SIRT1: variants seen among roughly 807,000 people sequenced by gnomAD.
SIRT1 encodes sirtuin 1, also known as NAD-dependent protein deacetylase sirtuin-1.
In SIRT1, 24 loss-of-function variants were observed where a neutral mutation model predicts 67.9. The ratio of observed to expected loss-of-function variants is 0.35; its 90% CI spans 0.26 to 0.50. The LOEUF (loss-of-function observed/expected upper bound fraction) is 0.50, where lower values mean the gene tolerates loss of function less well. Among genes scored for constraint, SIRT1 ranks in the 20% least tolerant of loss-of-function variants. The pLI, the probability that SIRT1 is intolerant of heterozygous loss-of-function variation, is 0.98. For synonymous variants in SIRT1, 378 were observed against 350.7 expected (o/e 1.08, Z -0.87); for missense variants, 873 against 937.2 (o/e 0.93, Z 0.89).
At chr10:67,891,237 G>C (rs1275163445) in intron 3 of SIRT1, among the ~76,000 whole-genome samples, 165 bp from the exon 4 acceptor site, 1 of 152,036 alleles carries the variant, frequency 6.6e-6, no homozygotes, top group African/African-American at 2.4e-5. Flanking sequence ...TTATTTGGGA[G>C]TTTTATTTCT....
rs748064161 is a variant in SIRT1 at position 67,889,141 on chromosome 10, A to G, written c.789+18A>G. Reference sequence around the variant, plus strand: ...GAGCTGGGGTATGTAAGACTAGTACATGGGGAGGTCGTATATGTATTTTCT... The same window carrying G: ...GAGCTGGGGTATGTAAGACTAGTACGTGGGGAGGTCGTATATGTATTTTCT... On this transcript the variant is annotated intron_variant, in intron 3 of 8. Coordinates refer to ENST00000212015, the MANE Select transcript of SIRT1 (RefSeq NM_012238.5). The G allele has an allele frequency of 1.6e-5, 25 of 1,578,958 alleles. No individual in the cohort carries two copies. In the East Asian group the frequency reaches 3.8e-4, roughly 24 times the overall value.
At chr10:67,898,026 T>C (rs1464643815) in intron 4 of SIRT1, among the ~76,000 whole-genome samples, 1 of 147,822 alleles carries the variant, frequency 6.8e-6, no homozygotes, top group Non-Finnish European at 1.5e-5. Flanking sequence ...ATCCCAGCAC[T>C]TTGGGAGGCC....
In SIRT1 at chr10:67,917,798, T is replaced by G. The variant is rs1166828415; in HGVS notation, c.*1205T>G. 1 of 152,654 alleles carries G rather than the reference T, an allele frequency of 6.6e-6. No individual in the cohort carries two copies. Among genetic ancestry groups the G allele is most frequent in the Non-Finnish European group, 1.5e-5 (1 of 68,034 alleles). The allele number at this position is 152,654 out of a possible 1,614,324, so 9.5% of individuals were successfully genotyped here. ...TTATAATTTATCTTTATTTAAAAGC[T>G]TAGCCTGCCTTAAAACTAGAGATCA... is the stretch of plus-strand genomic sequence containing the variant. On this transcript the variant is annotated 3_prime_UTR_variant, in exon 9 of 9. Transcript: ENST00000212015.
intron 4 of SIRT1, chr10:67,906,359 T>A (rs1354551432): frequency 2.6e-5 from 38 of 1,459,430 alleles, no homozygotes; most frequent in South Asian, 6.6e-5. Context: ...CAAAAAAAAA[T>A]TTTAAATATT....
In SIRT1 at chr10:67,909,261, T is replaced by A. The variant is rs199777160; in HGVS notation, c.1176T>A (p.Val392=). 5 of 1,591,266 alleles carry A rather than the reference T, an allele frequency of 3.1e-6. No individual in the cohort carries two copies. Among genetic ancestry groups the A allele is most frequent in the Non-Finnish European group, 4.3e-6 (5 of 1,171,830 alleles). Residue 392 remains valine, a synonymous_variant, in exon 7 of 9, where the codon GTT becomes GTA. Coordinates refer to ENST00000212015, the MANE Select transcript of SIRT1 (RefSeq NM_012238.5). ...CAAAATCTGAAAATATGTAGGTAGT[T>A]CCTCGATGTCCTAGGTGCCCAGCTG... ...AVRGDIFNQV[V]PRCPRCPADE... is the part of the protein sequence containing the mutation.
chr10:67,888,456 A>G (rs1218500384), intron 2 of SIRT1, among the ~76,000 whole-genome samples: 2 of 152,198 alleles, frequency 1.3e-5, no homozygotes, highest in Non-Finnish European at 2.9e-5. Flanking sequence ...CCGGAAAAAA[A>G]TTAAGATGGC....
intron 4 of SIRT1, among the ~76,000 whole-genome samples, chr10:67,898,547 A>G (rs1842694600): frequency 6.6e-6 from 1 of 152,252 alleles, no homozygotes; most frequent in African/African-American, 2.4e-5. Context: ...CAACGTCAGT[A>G]AAAAGAAAAT....
intron 6 of SIRT1, among the ~76,000 whole-genome samples, chr10:67,908,974 G>GTA (rs1842860620): frequency 6.6e-6 from 1 of 151,988 alleles, no homozygotes; most frequent in East Asian, 1.9e-4. Flanking sequence ...CCCATTTAGT[G>GTA]TATATACACA....
chr10:67,900,605 C>T (rs946233931), intron 4 of SIRT1, among the ~76,000 whole-genome samples: 3 of 150,586 alleles, frequency 2.0e-5, no homozygotes, highest in African/African-American at 7.3e-5. Context: ...CCACCATGCC[C>T]TGCTGTTTCT....
Position 67,916,662 on chromosome 10 carries a change from TTTAC to T in SIRT1, c.*72_*75del. 3 of 1,322,324 alleles carry T rather than the reference TTTAC, an allele frequency of 2.3e-6. No individual in the cohort carries two copies. The highest frequency in any genetic ancestry group is 3.1e-6 in the Non-Finnish European group (3 of 962,134). 81.9% of individuals were successfully genotyped at this position (1,322,324 alleles called of 1,614,324 possible). ...GAACTTTAGCATGTCAAAATGAATG[TTTAC>T]TTGTGAACTCGATAGAGCAAGGAAA... On this transcript the variant is annotated 3_prime_UTR_variant, in exon 9 of 9. Transcript: ENST00000212015.
intron 7 of SIRT1, among the ~76,000 whole-genome samples, chr10:67,912,101 T>G (rs369046166): frequency 4.6e-5 from 7 of 152,160 alleles, no homozygotes; most frequent in African/African-American, 1.7e-4. Context: ...AGTAGAACAT[T>G]TATGTACCAA....
intron 4 of SIRT1, among the ~76,000 whole-genome samples, chr10:67,903,463 CA>C (rs1842773529): frequency 6.6e-6 from 1 of 151,448 alleles, no homozygotes; most frequent in Non-Finnish European, 1.5e-5. Context: ...AGGCTCACTA[CA>C]AGCTCCACCT....
At chr10:67,908,209 A>C in intron 6 of SIRT1, 84 bp downstream of exon 6, 1 of 1,119,330 alleles carries the variant, frequency 8.9e-7, no homozygotes, top group Admixed American at 1.9e-5. Flanking sequence ...TTACCCCTTT[A>C]AAGTATATAT....
chr10:67,904,116 T>G (rs1221345867), intron 4 of SIRT1, among the ~76,000 whole-genome samples: 1 of 144,254 alleles, frequency 6.9e-6, no homozygotes, highest in Non-Finnish European at 1.5e-5. Flanking sequence ...ATTTTTTAGT[T>G]TTTTTTGTTT....
At chr10:67,895,760 T>TTTG (rs1459241769) in intron 4 of SIRT1, among the ~76,000 whole-genome samples, 7 of 137,046 alleles carry the variant, frequency 5.1e-5, no homozygotes, top group East Asian at 2.1e-4. Context: ...TTTTTTTTTT[T>TTTG]GAGACAGTTT....
intron 4 of SIRT1, among the ~76,000 whole-genome samples, chr10:67,897,116 A>T (rs73261344): frequency 0.078 from 11,757 of 150,452 alleles, 1,203 homozygotes; most frequent in African/African-American, 0.24. Context: ...AGATCGCACC[A>T]CTCTACTCCA....
chr10:67,906,765 T>C, intron 4 of SIRT1, 25 bp from the exon 5 acceptor site: 1 of 1,602,568 alleles, frequency 6.2e-7, no homozygotes, highest in Non-Finnish European at 8.5e-7. Context: ...TAATGTAAAT[T>C]TTTTCTACCA....
At chr10:67,909,229 C>A in intron 6 of SIRT1, 27 bp from the exon 7 acceptor site, 1 of 1,545,074 alleles carries the variant, frequency 6.5e-7, no homozygotes, top group Non-Finnish European at 8.7e-7. Context: ...TGCTTCTCTA[C>A]CTCAACCAAA....
rs760098571 is a variant in SIRT1 at position 67,888,949 on chromosome 10, A to G, written c.615A>G (p.Leu205=). ...ATCCTCGAACAATTCTTAAAGATTT[A>G]TTGCCGGAAACAATACCTCCACCTG... ...GTDPRTILKD[L]LPETIPPPEL... is the part of the protein sequence containing the mutation. The change falls in exon 3 of 9, where the codon TTA becomes TTG. Residue 205 remains leucine (L), a synonymous_variant. Coordinates refer to ENST00000212015, the MANE Select transcript of SIRT1 (RefSeq NM_012238.5). 3 of 1,613,984 alleles carry G rather than the reference A, an allele frequency of 1.9e-6. No homozygotes were observed. The highest frequency in any genetic ancestry group is 2.5e-6 in the Non-Finnish European group (3 of 1,179,916).
Sources: allele counts gnomAD v4.1 joint callset (sites outside exome capture counted in the v4.1 genomes callset), GRCh38; gene constraint gnomAD v4.1.1; transcripts MANE v1.5; gene names NCBI Gene and HGNC (gene_info 2026-07-23, HGNC 2026-07-21).